The following AP1S2 variants were observed in gnomAD, a reference collection of about 807,000 sequenced individuals.
AP1S2 encodes AP-1 complex subunit sigma-2.
Under a neutral mutation model 14.3 loss-of-function variants are expected in AP1S2, and 1 was observed. The observed-to-expected ratio is 0.07, with a 90% CI of 0.02 to 0.33. AP1S2 has a LOEUF of 0.33. Ranked by LOEUF, AP1S2 falls within the 10% of genes least tolerant of loss-of-function variation. The probability of loss-of-function intolerance (pLI) is 0.99; values close to 1 mark genes in which losing one functional copy is unlikely to be tolerated. For missense variants in AP1S2, 30 were observed against 117.7 expected (o/e 0.25, Z 3.45); for synonymous variants, 30 against 40.5 (o/e 0.74, Z 0.99).
At chrX:15,843,024 CAAA>C (rs10712499) in intron 4 of AP1S2, among the ~76,000 whole-genome samples, 4 of 63,492 alleles carry the variant, frequency 6.3e-5, no homozygotes, top group Admixed American at 1.8e-4. Flanking sequence ...AACTCCATCT[CAAA>C]AAAAAAAAAA....
chrX:15,838,203 C>T (rs965754502), intron 4 of AP1S2, among the ~76,000 whole-genome samples: 3 of 110,726 alleles, frequency 2.7e-5, no homozygotes, highest in Admixed American at 9.6e-5. Context: ...TACTGGATGC[C>T]GGTAGCACTG....
intron 4 of AP1S2, among the ~76,000 whole-genome samples, chrX:15,837,676 G>A (rs1022201259): frequency 6.0e-5 from 6 of 99,497 alleles, no homozygotes; most frequent in South Asian, 9.5e-4. Flanking sequence ...GCGTTATCTC[G>A]CTTCACTGCA....
chrX:15,843,981 T>C (rs1933920506), intron 4 of AP1S2, among the ~76,000 whole-genome samples: 1 of 112,468 alleles, frequency 8.9e-6, no homozygotes, highest in African/African-American at 3.2e-5. Flanking sequence ...TCTGTGTTCA[T>C]TTCACTACTG....
intron 1 of AP1S2, among the ~76,000 whole-genome samples, chrX:15,853,169 T>G (rs1221796934): frequency 8.9e-6 from 1 of 112,594 alleles, no homozygotes; most frequent in Non-Finnish European, 1.9e-5. Context: ...AATCTAGAAC[T>G]GAGTTAATGT....
At chrX:15,829,663 GATAAT>G (rs1933366875) in intron 4 of AP1S2, among the ~76,000 whole-genome samples, 1 of 112,061 alleles carries the variant, frequency 8.9e-6, no homozygotes, top group African/African-American at 3.2e-5. Flanking sequence ...AAATTGTGGT[GATAAT>G]ATAAAATGGA....
At chrX:15,840,407 G>T in intron 4 of AP1S2, 1 of 446,732 alleles carries the variant, frequency 2.2e-6, no homozygotes, top group Non-Finnish European at 3.3e-6. Context: ...CACGGATCAA[G>T]CAAGGACTTA....
At chrX:15,839,166 TTA>T (rs1450637688) in intron 4 of AP1S2, among the ~76,000 whole-genome samples, 1 of 112,301 alleles carries the variant, frequency 8.9e-6, no homozygotes, top group Non-Finnish European at 1.9e-5. Context: ...CCAGAATTTG[TTA>T]TAATAAACCC....
At chrX:15,850,157 T>C (rs1272057431) in intron 2 of AP1S2, among the ~76,000 whole-genome samples, 1 of 111,028 alleles carries the variant, frequency 9.0e-6, no homozygotes, top group Non-Finnish European at 1.9e-5. Context: ...TAATACTTTG[T>C]CTTATTTTCC....
chrX:15,849,758 C>A (rs780239874), intron 2 of AP1S2, among the ~76,000 whole-genome samples: 2 of 110,736 alleles, frequency 1.8e-5, no homozygotes, highest in Non-Finnish European at 3.8e-5. Context: ...CTCCTCCACA[C>A]GGGGGACTCC....
At chrX:15,841,805 CAAAG>C (rs1312550792) in intron 4 of AP1S2, among the ~76,000 whole-genome samples, 10 of 111,799 alleles carry the variant, frequency 8.9e-5, no homozygotes, top group Non-Finnish European at 9.4e-5. Context: ...GACTGAGAAA[CAAAG>C]AAGTTCATAT....
chrX:15,849,611 C>T (rs987752554), intron 2 of AP1S2, among the ~76,000 whole-genome samples: 1 of 111,803 alleles, frequency 8.9e-6, no homozygotes, highest in African/African-American at 3.3e-5. Context: ...GGATTAGATA[C>T]CCTTTGTAGC....
intron 5 of AP1S2, 55 bp from the exon 6 acceptor site, chrX:15,827,427 G>C: frequency 2.0e-6 from 2 of 1,007,993 alleles, no homozygotes; most frequent in Non-Finnish European, 2.8e-6. Context: ...TCTTGAGAAT[G>C]TGAAACATTG....
intron 4 of AP1S2, among the ~76,000 whole-genome samples, chrX:15,838,990 C>T (rs770517417): frequency 4.6e-4 from 51 of 111,643 alleles, no homozygotes; most frequent in South Asian, 7.6e-4. Flanking sequence ...TCAAGTGATC[C>T]GCTTGCCTCA....
chrX:15,844,887 T>A lies in AP1S2; in HGVS notation c.426+492A>T, dbSNP rs776479167. On this transcript the variant is annotated intron_variant, in intron 4 of 5. Coordinates refer to ENST00000672987, the MANE Select transcript of AP1S2 (RefSeq NM_001272071.2). ...TGGAAGTTTCTACAAAAAGTATAATTAGAAAACACTATCATTTGCTTGGCT... is the reference window on the plus strand; with the variant it reads ...TGGAAGTTTCTACAAAAAGTATAATAAGAAAACACTATCATTTGCTTGGCT... 3 of 502,652 alleles carry A rather than the reference T, an allele frequency of 6.0e-6. No individual in the cohort carries two copies. In the South Asian group the frequency reaches 3.1e-4, roughly 52 times the overall value. 41.4% of individuals were successfully genotyped at this position (502,652 alleles called of 1,213,427 possible). A position where few individuals can be genotyped will look rare whatever the true frequency, so the allele number is the denominator to read the frequency against.
At chrX:15,841,276 T>C (rs1286874081) in intron 4 of AP1S2, among the ~76,000 whole-genome samples, 6 of 111,184 alleles carry the variant, frequency 5.4e-5, no homozygotes, top group Non-Finnish European at 7.5e-5. Flanking sequence ...GAAATGTATA[T>C]TTCACAAATT....
intron 4 of AP1S2, among the ~76,000 whole-genome samples, chrX:15,833,896 G>A (rs999162798): frequency 2.7e-5 from 3 of 111,198 alleles, no homozygotes; most frequent in African/African-American, 9.8e-5. Flanking sequence ...CTTCCCCTGG[G>A]CACCCGTAGG....
At chrX:15,853,972 T>C (rs1227272119) in intron 1 of AP1S2, among the ~76,000 whole-genome samples, 4 of 111,356 alleles carry the variant, frequency 3.6e-5, no homozygotes, top group Admixed American at 2.8e-4. Context: ...AGGGTGAGGG[T>C]TTGCCTGCGA....
chrX:15,829,746 A>T (rs1308002648), intron 4 of AP1S2, among the ~76,000 whole-genome samples: 1 of 111,779 alleles, frequency 8.9e-6, no homozygotes, highest in Non-Finnish European at 1.9e-5. Context: ...TATCTAAAGT[A>T]GTAAAATTTA....
Position 15,829,370 on chromosome X carries a change from TG to T in AP1S2, c.427-1171del, listed in dbSNP as rs1333139137. On this transcript the variant is annotated intron_variant, in intron 4 of 5. Coordinates refer to ENST00000672987, the MANE Select transcript of AP1S2 (RefSeq NM_001272071.2). ...TAATGTTAAGTAGTTTAAAGGTTCA[TG>T]TAGCCTTGAATGTATCAATTAAATA... Among the ~76,000 whole-genome samples the T allele has an allele frequency of 2.7e-5, 3 of 111,952 alleles. No homozygotes were observed. The East Asian group carries it at 8.4e-4, about 31-fold the overall frequency.
Sources: gnomAD v4.1 joint callset for allele counts (sites outside exome capture counted in the v4.1 genomes callset) on GRCh38, gnomAD v4.1.1 for gene constraint, MANE v1.5 for transcripts, NCBI Gene and HGNC (gene_info 2026-07-23, HGNC 2026-07-21) for gene names.